The following FBXW8 variants were observed in gnomAD, a reference collection of about 807,000 sequenced individuals.
The protein encoded by FBXW8 is F-box and WD repeat domain containing 8, also known as F-box/WD repeat-containing protein 8.
A neutral mutation model predicts 65.3 loss-of-function variants in FBXW8; 57 were observed. That is an observed-to-expected ratio of 0.87 (90% CI 0.71 to 1.09). FBXW8 has a LOEUF of 1.09. Ranked by LOEUF, FBXW8 falls within the 50% of genes least tolerant of loss-of-function variation. FBXW8 has a pLI of 0.00. For missense variants in FBXW8, 777 were observed against 814.8 expected, an observed-to-expected ratio of 0.95 and a Z score of 0.57; for synonymous variants, 308 against 330.2, an observed-to-expected ratio of 0.93 and a Z score of 0.73.
chr12:116,974,329 T>C (rs1052788114), intron 5 of FBXW8, among the ~76,000 whole-genome samples: 2 of 152,228 alleles, frequency 1.3e-5, no homozygotes, highest in African/African-American at 4.8e-5. Flanking sequence ...CAACAATTCC[T>C]GGAGCTCACA....
intron 2 of FBXW8, among the ~76,000 whole-genome samples, chr12:116,944,007 T>C (rs756135708): frequency 6.6e-6 from 1 of 152,192 alleles, no homozygotes; most frequent in Non-Finnish European, 1.5e-5. Flanking sequence ...GATTTGATTT[T>C]TGGGGACCTC....
At chr12:116,944,813 G>A (rs1008741007) in intron 2 of FBXW8, among the ~76,000 whole-genome samples, 5 of 152,162 alleles carry the variant, frequency 3.3e-5, no homozygotes, top group African/African-American at 1.2e-4. Context: ...TACAGTCCTG[G>A]ATAATGGCTT....
intron 5 of FBXW8, among the ~76,000 whole-genome samples, chr12:116,968,349 A>G (rs1884451184): frequency 1.3e-5 from 2 of 152,122 alleles, no homozygotes; most frequent in Non-Finnish European, 2.9e-5. Context: ...GAGTGTGTAT[A>G]TTCTTATTGC....
At chr12:116,941,039 G>A (rs1252469215) in intron 2 of FBXW8, among the ~76,000 whole-genome samples, 6 of 152,232 alleles carry the variant, frequency 3.9e-5, no homozygotes, top group Non-Finnish European at 8.8e-5. Flanking sequence ...ACTGTCAGGT[G>A]GAAGAGCAAA....
chr12:116,950,025 TAAA>T lies in FBXW8; in HGVS notation c.677+323_677+325del, dbSNP rs1168749123. 5 of 287,606 alleles carry T rather than the reference TAAA, an allele frequency of 1.7e-5. No homozygotes were observed. The Admixed American group carries it at 1.8e-4, about 10-fold the overall frequency. 17.8% of individuals were successfully genotyped at this position (287,606 alleles called of 1,614,324 possible). A position where few individuals can be genotyped will look rare whatever the true frequency, so the allele number is the denominator to read the frequency against. On this transcript the variant is annotated intron_variant, in intron 4 of 10. Transcript: ENST00000652555. ...AAACAGTTTGTATTTTATGAAGACATAAAAAAGTCAAGCAAAGATAATAAGTGT... is the reference window on the plus strand; with the variant it reads ...AAACAGTTTGTATTTTATGAAGACATAAAGTCAAGCAAAGATAATAAGTGT...
intron 1 of FBXW8, among the ~76,000 whole-genome samples, chr12:116,924,194 T>C (rs1341244028): frequency 2.3e-5 from 2 of 87,210 alleles, no homozygotes; most frequent in African/African-American, 5.9e-5. Context: ...TTTTCATGTT[T>C]TTAAGTCAGT....
chr12:116,931,536 C>T (rs10850731), intron 2 of FBXW8, among the ~76,000 whole-genome samples: 101,016 of 152,028 alleles, frequency 0.66, 38,644 homozygotes, highest in Non-Finnish European at 0.84. Context: ...TTGTATCATC[C>T]GTTTTCTCCT....
At chr12:116,979,957 C>T (rs1355665258) in intron 5 of FBXW8, among the ~76,000 whole-genome samples, 1 of 152,030 alleles carries the variant, frequency 6.6e-6, no homozygotes, top group South Asian at 2.1e-4. Context: ...CTCCCCAGGC[C>T]CTCTCCAGGT....
chr12:116,943,058 C>A (rs1882712651), intron 2 of FBXW8, among the ~76,000 whole-genome samples: 1 of 152,102 alleles, frequency 6.6e-6, no homozygotes, highest in Non-Finnish European at 1.5e-5. Flanking sequence ...CAGATAATTT[C>A]TATCTCTTTA....
chr12:117,016,082 A>G (rs1592962010), intron 8 of FBXW8, among the ~76,000 whole-genome samples: 1 of 152,328 alleles, frequency 6.6e-6, no homozygotes, highest in East Asian at 1.9e-4. Context: ...CAATTAGTGG[A>G]CATTTGGGTT....
At chr12:116,955,981 C>T (rs1883617367) in intron 4 of FBXW8, among the ~76,000 whole-genome samples, 1 of 152,102 alleles carries the variant, frequency 6.6e-6, no homozygotes, top group South Asian at 2.1e-4. Flanking sequence ...ATCAGATGCC[C>T]AGGAGTATGA....
At chr12:116,959,187 T>C (rs1452323465) in intron 4 of FBXW8, among the ~76,000 whole-genome samples, 1 of 152,232 alleles carries the variant, frequency 6.6e-6, no homozygotes, top group Non-Finnish European at 1.5e-5. Flanking sequence ...GAGCCTTTTT[T>C]GTTGGCTTCT....
chr12:116,923,459 A>G (rs1278348027), intron 1 of FBXW8, among the ~76,000 whole-genome samples: 2 of 152,202 alleles, frequency 1.3e-5, no homozygotes, highest in Non-Finnish European at 2.9e-5. Flanking sequence ...TTGGTTTCCT[A>G]TAGAATAAAT....
chr12:116,962,685 C>T (rs940541610), intron 4 of FBXW8, among the ~76,000 whole-genome samples: 3 of 152,190 alleles, frequency 2.0e-5, no homozygotes, highest in Admixed American at 6.5e-5. Flanking sequence ...TTCTGAAAGA[C>T]GTTGCCATCC....
At chr12:117,022,355 TAA>T (rs5801209) in intron 8 of FBXW8, among the ~76,000 whole-genome samples, 8 of 139,144 alleles carry the variant, frequency 5.7e-5, no homozygotes, top group African/African-American at 1.5e-4. Flanking sequence ...AAGAAACTAT[TAA>T]AAAAAAAAAA....
chr12:116,966,247 A>G (rs1367255984), intron 5 of FBXW8, among the ~76,000 whole-genome samples: 1 of 152,198 alleles, frequency 6.6e-6, no homozygotes, highest in East Asian at 1.9e-4. Context: ...CAGCTTGAAC[A>G]TGTTTGCTAC....
At chr12:116,940,898 G>A (rs1212063351) in intron 2 of FBXW8, among the ~76,000 whole-genome samples, 3 of 152,132 alleles carry the variant, frequency 2.0e-5, no homozygotes, top group Non-Finnish European at 4.4e-5. Flanking sequence ...ATGTACAAAT[G>A]TTTTAGGGTG....
chr12:117,022,141 C>CT (rs1214411381), intron 8 of FBXW8, among the ~76,000 whole-genome samples: 5 of 152,188 alleles, frequency 3.3e-5, no homozygotes, highest in South Asian at 2.1e-4. Context: ...GTCACTTGTT[C>CT]TTTTTTTGCA....
chr12:116,922,650 T>C (rs1216273540), intron 1 of FBXW8, among the ~76,000 whole-genome samples: 1 of 152,232 alleles, frequency 6.6e-6, no homozygotes, highest in Admixed American at 6.5e-5. Context: ...GAATTAGTCT[T>C]ACATTAGCAC....
Sources: allele counts gnomAD v4.1 joint callset (sites outside exome capture counted in the v4.1 genomes callset), GRCh38; gene constraint gnomAD v4.1.1; transcripts MANE v1.5; gene names NCBI Gene and HGNC (gene_info 2026-07-23, HGNC 2026-07-21).